KIAA1217: variants seen among roughly 807,000 people sequenced by gnomAD.
KIAA1217 encodes sickle tail protein homolog.
In KIAA1217, 88 loss-of-function variants were observed where a neutral mutation model predicts 163.9. The ratio of observed to expected loss-of-function variants is 0.54; its 90% confidence interval spans 0.45 to 0.64. The LOEUF (loss-of-function observed/expected upper bound fraction) is 0.64. Ranked by LOEUF, KIAA1217 falls within the 30% of genes least tolerant of loss-of-function variation. The probability of loss-of-function intolerance (pLI) is 0.00; values close to 1 mark genes in which losing one functional copy is unlikely to be tolerated. For missense variants in KIAA1217, 2,372 were observed against 2,475.0 expected, an observed-to-expected ratio of 0.96 and a Z score of 0.88; for synonymous variants, 903 against 923.1, an observed-to-expected ratio of 0.98 and a Z score of 0.39.
intron 1 of KIAA1217, among the ~76,000 whole-genome samples, chr10:23,805,176 A>G (rs1443017142): frequency 6.6e-6 from 1 of 152,202 alleles, no homozygotes; most frequent in African/African-American, 2.4e-5. Flanking sequence ...ATATATCCAA[A>G]GGAATATAAA....
intron 4 of KIAA1217, among the ~76,000 whole-genome samples, chr10:24,435,329 A>C (rs2059934723): frequency 6.6e-6 from 1 of 152,250 alleles, no homozygotes; most frequent in African/African-American, 2.4e-5. Flanking sequence ...AATTTTTTGC[A>C]TTCACAAAGC....
chr10:24,035,653 G>C (rs1848364214), intron 2 of KIAA1217, among the ~76,000 whole-genome samples: 1 of 152,054 alleles, frequency 6.6e-6, no homozygotes, highest in African/African-American at 2.4e-5. Flanking sequence ...TTCTTCTTAG[G>C]GACTGTGAAG....
intron 2 of KIAA1217, among the ~76,000 whole-genome samples, chr10:24,239,718 T>TG (rs1209910854): frequency 3.3e-5 from 5 of 149,802 alleles, no homozygotes; most frequent in African/African-American, 1.3e-4. Context: ...TGTGTGTGTG[T>TG]TCTTTTACTC....
At chr10:23,758,686 C>CTTTTTTT (rs34055872) in intron 1 of KIAA1217, among the ~76,000 whole-genome samples, 2 of 59,854 alleles carry the variant, frequency 3.3e-5, no homozygotes, top group African/African-American at 1.0e-4. Flanking sequence ...TTCTTTCTTT[C>CTTTTTTT]TTTTTTTTTT....
chr10:24,384,979 C>A (rs2053822223), intron 3 of KIAA1217, among the ~76,000 whole-genome samples: 2 of 152,228 alleles, frequency 1.3e-5, no homozygotes, highest in African/African-American at 4.8e-5. Flanking sequence ...GCATCAGACA[C>A]TGTTACTGCC....
At chr10:23,722,153 G>T (rs943845646) in intron 1 of KIAA1217, among the ~76,000 whole-genome samples, 4 of 152,156 alleles carry the variant, frequency 2.6e-5, no homozygotes. Context: ...AAGTCAAGAA[G>T]AAAGTAGAAT....
chr10:24,169,814 C>T (rs2065538856), intron 2 of KIAA1217, among the ~76,000 whole-genome samples: 1 of 152,044 alleles, frequency 6.6e-6, no homozygotes, highest in South Asian at 2.1e-4. Flanking sequence ...ATATAAAGTG[C>T]CTCTGACCCT....
At chr10:23,852,828 G>A (rs1488678479) in intron 1 of KIAA1217, among the ~76,000 whole-genome samples, 2 of 152,122 alleles carry the variant, frequency 1.3e-5, no homozygotes, top group Non-Finnish European at 2.9e-5. Flanking sequence ...TCTGTTGCTG[G>A]TGTATAAGAA....
At chr10:24,203,297 T>C (rs1420586869) in intron 2 of KIAA1217, among the ~76,000 whole-genome samples, 1 of 152,098 alleles carries the variant, frequency 6.6e-6, no homozygotes, top group African/African-American at 2.4e-5. Context: ...CCTTGGACAA[T>C]TGCCTTGGAC....
intron 1 of KIAA1217, among the ~76,000 whole-genome samples, chr10:23,997,179 C>T (rs1846524176): frequency 6.6e-6 from 1 of 152,158 alleles, no homozygotes; most frequent in African/African-American, 2.4e-5. Flanking sequence ...TTCCTACCAA[C>T]TTGCAGGAAG....
chr10:23,837,399 C>G (rs1278932683), intron 1 of KIAA1217, among the ~76,000 whole-genome samples: 1 of 152,322 alleles, frequency 6.6e-6, no homozygotes, highest in East Asian at 1.9e-4. Context: ...ATGGTTCATT[C>G]AAGACCTTAG....
chr10:23,872,224 G>T (rs1840487811), intron 1 of KIAA1217, among the ~76,000 whole-genome samples: 1 of 152,090 alleles, frequency 6.6e-6, no homozygotes, highest in Non-Finnish European at 1.5e-5. Context: ...CTTGGCAAAG[G>T]CAAAGGTGTC....
chr10:24,255,304 A>C, intron 2 of KIAA1217: 2 of 294,952 alleles, frequency 6.8e-6, no homozygotes. Flanking sequence ...GTAATGAAAA[A>C]CCGGTATTTT....
At chr10:24,113,365 A>G (rs995643291) in intron 2 of KIAA1217, among the ~76,000 whole-genome samples, 1 of 152,234 alleles carries the variant, frequency 6.6e-6, no homozygotes, top group African/African-American at 2.4e-5. Context: ...AACAAGGAGC[A>G]TGTCCAGAAC....
At chr10:24,459,091 A>G (rs960681680) in intron 5 of KIAA1217, among the ~76,000 whole-genome samples, 1 of 152,090 alleles carries the variant, frequency 6.6e-6, no homozygotes, top group Non-Finnish European at 1.5e-5. Context: ...GGTGATTCTG[A>G]AGCCCACCAT....
Position 23,880,575 on chromosome 10 carries a change from T to A in KIAA1217, c.-320-126650T>A, listed in dbSNP as rs143621469. ...GTGACTATAGTAAAAAAAATTTAAT[T>A]GTTCATTGAAAAATAACTAAAAGAG... On this transcript the variant is annotated intron_variant, in intron 1 of 18. Coordinates refer to the KIAA1217 transcript ENST00000376462. Among the ~76,000 whole-genome samples the A allele has an allele frequency of 4.8e-3, 731 of 152,032 alleles. 6 individuals carry two copies. The highest frequency in any genetic ancestry group is 0.017 in the African/African-American group (697 of 41,522).
chr10:23,865,077 A>G (rs1490829156), intron 1 of KIAA1217, among the ~76,000 whole-genome samples: 6 of 152,210 alleles, frequency 3.9e-5, no homozygotes, highest in Non-Finnish European at 8.8e-5. Context: ...ACCACAGGCT[A>G]TAAAAGTTGA....
chr10:24,545,590 G>C (rs1229177041), intron 20 of KIAA1217: 11 of 1,374,628 alleles, frequency 8.0e-6, no homozygotes, highest in African/African-American at 1.5e-5. Flanking sequence ...GGAATGATGG[G>C]ACTCCTCTCA....
chr10:24,463,927 A>G (rs1289659975), intron 5 of KIAA1217, among the ~76,000 whole-genome samples: 2 of 152,332 alleles, frequency 1.3e-5, no homozygotes, highest in East Asian at 3.9e-4. Flanking sequence ...GTCCCAAGGT[A>G]GAGAAGGCAG....
Sources: allele counts gnomAD v4.1 joint callset (sites outside exome capture counted in the v4.1 genomes callset), GRCh38; gene constraint gnomAD v4.1.1; transcripts MANE v1.5; gene names NCBI Gene and HGNC (gene_info 2026-07-23, HGNC 2026-07-21).